FGF7: variants seen among roughly 807,000 people sequenced by gnomAD.
FGF7 encodes the protein FGF-7.
FGF7 carries 6 observed loss-of-function variants against 20.5 expected under a neutral mutation model. The observed-to-expected ratio is 0.29, with a 90% CI of 0.16 to 0.58. FGF7 has a LOEUF of 0.58. FGF7 is among the 20% of genes least tolerant of loss of function. The probability of loss-of-function intolerance (pLI) is 0.90; values close to 1 mark genes in which losing one functional copy is unlikely to be tolerated. For synonymous variants in FGF7, 64 were observed against 74.7 expected (o/e 0.86, Z 0.74); for missense variants, 144 against 228.8 (o/e 0.63, Z 2.39).
intron 2 of FGF7, among the ~76,000 whole-genome samples, chr15:49,456,573 T>C (rs2053313261): frequency 6.6e-6 from 1 of 152,134 alleles, no homozygotes; most frequent in Admixed American, 6.5e-5. Context: ...GAATTACTTT[T>C]TTTCCTTTGC....
intron 2 of FGF7, among the ~76,000 whole-genome samples, chr15:49,458,838 T>G (rs190324306): frequency 1.1e-3 from 161 of 152,280 alleles, no homozygotes; most frequent in Non-Finnish European, 1.7e-3. Context: ...TTCAAAGTAT[T>G]TCCCCCCTGC....
chr15:49,463,567 T>A (rs57406474), intron 2 of FGF7, among the ~76,000 whole-genome samples: 46,754 of 145,188 alleles, frequency 0.32, 8,347 homozygotes, highest in African/African-American at 0.45. Context: ...AAAAAAAAAA[T>A]ATCCAAACTC....
chr15:49,442,785 C>T (rs967058087), intron 2 of FGF7, among the ~76,000 whole-genome samples: 35 of 151,732 alleles, frequency 2.3e-4, no homozygotes, highest in African/African-American at 8.5e-4. Flanking sequence ...AAATACCCAA[C>T]CACTGGCTTT....
chr15:49,464,402 T>C (rs774435705), intron 2 of FGF7, among the ~76,000 whole-genome samples: 1 of 152,232 alleles, frequency 6.6e-6, no homozygotes, highest in African/African-American at 2.4e-5. Flanking sequence ...TCCAACTTAG[T>C]TGACATTTTT....
chr15:49,480,802 G>A (rs1046422932), intron 2 of FGF7, among the ~76,000 whole-genome samples: 1 of 152,100 alleles, frequency 6.6e-6, no homozygotes, highest in African/African-American at 2.4e-5. Context: ...GTAAAGTGCA[G>A]TAAAGAAACA....
chr15:49,436,648 C>T (rs1376864190), intron 2 of FGF7, among the ~76,000 whole-genome samples: 1 of 151,170 alleles, frequency 6.6e-6, no homozygotes, highest in Non-Finnish European at 1.5e-5. Context: ...GACTTATGCT[C>T]ATTTGCAGAT....
At chr15:49,478,755 T>G (rs143936584) in intron 2 of FGF7, among the ~76,000 whole-genome samples, 1,629 of 152,234 alleles carry the variant, frequency 0.011, 32 homozygotes, top group African/African-American at 0.034. Context: ...AAGCTTTAAA[T>G]GTTTCAGGAA....
intron 2 of FGF7, among the ~76,000 whole-genome samples, chr15:49,465,636 T>C (rs1048260619): frequency 6.6e-6 from 1 of 152,076 alleles, no homozygotes; most frequent in African/African-American, 2.4e-5. Context: ...ATATTTGGGG[T>C]TCTCTCAACT....
chr15:49,481,444 C>A (rs1011605636), intron 2 of FGF7, among the ~76,000 whole-genome samples: 1 of 152,172 alleles, frequency 6.6e-6, no homozygotes, highest in Admixed American at 6.5e-5. Flanking sequence ...AAATAGAGTG[C>A]TCTAAAAGGG....
chr15:49,448,535 T>G (rs1185362234), intron 2 of FGF7, among the ~76,000 whole-genome samples: 1 of 151,692 alleles, frequency 6.6e-6, no homozygotes, highest in Non-Finnish European at 1.5e-5. Context: ...TTAATCAAAA[T>G]TCACAGAAAA....
At chr15:49,451,345 T>C (rs1029613004) in intron 2 of FGF7, among the ~76,000 whole-genome samples, 6 of 152,022 alleles carry the variant, frequency 3.9e-5, no homozygotes, top group African/African-American at 1.4e-4. Context: ...AAAATTAGTA[T>C]CATAATGATA....
intron 2 of FGF7, among the ~76,000 whole-genome samples, chr15:49,449,382 A>G (rs1303464338): frequency 1.3e-5 from 2 of 152,038 alleles, no homozygotes; most frequent in African/African-American, 4.8e-5. Context: ...AGACAGTTAT[A>G]TTTCTATTTA....
chr15:49,475,271 A>G (rs538053596), intron 2 of FGF7, among the ~76,000 whole-genome samples: 2 of 152,294 alleles, frequency 1.3e-5, no homozygotes, highest in Admixed American at 6.5e-5. Flanking sequence ...TTTATTCATG[A>G]GTTTGAAGAG....
In FGF7 at chr15:49,486,163, C is replaced by G. The variant is rs1161401494; in HGVS notation, c.*1659C>G. 6.6e-6 allele frequency: 1 copy of G among 151,878 alleles called. No individual in the cohort carries two copies. The highest frequency in any genetic ancestry group is 1.5e-5 in the Non-Finnish European group (1 of 67,908). The allele number at this position is 151,878 out of a possible 1,614,324, so 9.4% of individuals were successfully genotyped here. A position where few individuals can be genotyped will look rare whatever the true frequency, so the allele number is the denominator to read the frequency against. On this transcript the variant is annotated 3_prime_UTR_variant, in exon 4 of 4. Coordinates refer to ENST00000267843, the MANE Select transcript of FGF7 (RefSeq NM_002009.4). ...TTTCAAAATATTTGTCATTCAAGTC[C>G]CTTTACATAAATAGTATTTGGTAAT... is the stretch of plus-strand genomic sequence containing the variant.
chr15:49,457,929 G>A (rs2151914156), intron 2 of FGF7, among the ~76,000 whole-genome samples: 2 of 152,020 alleles, frequency 1.3e-5, no homozygotes, highest in South Asian at 4.2e-4. Context: ...ATTAATGTTA[G>A]AAAAATTAAG....
intron 2 of FGF7, among the ~76,000 whole-genome samples, chr15:49,461,955 A>G (rs2151931299): frequency 6.6e-6 from 1 of 152,264 alleles, no homozygotes; most frequent in East Asian, 1.9e-4. Context: ...AGATTACTTG[A>G]GGTAAGGAGT....
chr15:49,463,472 A>G (rs996308072), intron 2 of FGF7, among the ~76,000 whole-genome samples: 42 of 150,206 alleles, frequency 2.8e-4, no homozygotes, highest in African/African-American at 1.0e-3. Flanking sequence ...AATCACTGGA[A>G]CCCGGAAGGC....
At position 49,463,823 on chromosome 15, in the gene FGF7, G is replaced by A. The variant is rs777751720; in HGVS notation, c.287-19328G>A. Among the ~76,000 whole-genome samples the A allele has an allele frequency of 3.9e-4, 60 of 152,278 alleles. 1 individual carries two copies. Among genetic ancestry groups the A allele is most frequent in the Non-Finnish European group, 7.2e-4 (49 of 68,024 alleles). On this transcript the variant is annotated intron_variant, in intron 2 of 3. Coordinates refer to ENST00000267843, the MANE Select transcript of FGF7 (RefSeq NM_002009.4). ...AGGAAAGGCAAGGCAGCTTCTGTAA[G>A]GGGAAAATTGTAAGTATTTGCTAAC...
chr15:49,433,902 A>G (rs1368314218), intron 2 of FGF7, among the ~76,000 whole-genome samples: 45 of 151,774 alleles, frequency 3.0e-4, no homozygotes, highest in Admixed American at 2.9e-3. Context: ...AAAAAGAGAA[A>G]AAGTCTTTAA....
Sources: gnomAD v4.1 joint callset for allele counts (sites outside exome capture counted in the v4.1 genomes callset) on GRCh38, gnomAD v4.1.1 for gene constraint, MANE v1.5 for transcripts, NCBI Gene and HGNC (gene_info 2026-07-23, HGNC 2026-07-21) for gene names.